The following SLC39A11 variants were observed in gnomAD, a reference collection of about 807,000 sequenced individuals.
SLC39A11 encodes the protein solute carrier family 39 member 11, also known as zinc transporter ZIP11.
In SLC39A11, 33 loss-of-function variants were observed where a neutral mutation model predicts 36.1. The observed-to-expected ratio is 0.91, with a 90% CI of 0.69 to 1.22. SLC39A11 has a LOEUF of 1.22. Ranked by LOEUF, SLC39A11 falls within the 50% of genes most tolerant of loss-of-function variation. The probability of loss-of-function intolerance (pLI) is 0.00; values close to 1 mark genes in which losing one functional copy is unlikely to be tolerated. For missense variants in SLC39A11, 432 were observed against 430.3 expected (o/e 1.00, Z -0.03); for synonymous variants, 166 against 170.3 (o/e 0.97, Z 0.20).
intron 7 of SLC39A11, among the ~76,000 whole-genome samples, chr17:72,710,002 C>T (rs550398451): frequency 6.3e-4 from 96 of 152,302 alleles, no homozygotes; most frequent in South Asian, 1.9e-3. Flanking sequence ...TGCTCCTGTT[C>T]AAATTGATCT....
rs141368059 is a variant in SLC39A11 at position 72,751,104 on chromosome 17, C to T, written c.602-14385G>A. 6.4e-3 allele frequency among the ~76,000 whole-genome samples: 970 copies of T among 152,210 alleles called. 12 individuals carry two copies. Among genetic ancestry groups the T allele is most frequent in the African/African-American group, 0.02 (833 of 41,554 alleles). ...CTCTACTAAAAATACAAAAATTAGA[C>T]GAGCGTGGTGGTGGGCGCTTGTAAT... On this transcript the variant is annotated intron_variant, in intron 6 of 9. Transcript: ENST00000255559.
At chr17:73,006,243 C>T (rs2090173916) in intron 4 of SLC39A11, among the ~76,000 whole-genome samples, 1 of 152,138 alleles carries the variant, frequency 6.6e-6, no homozygotes, top group Non-Finnish European at 1.5e-5. Flanking sequence ...AATGAGCATA[C>T]ATAATTTTCA....
At chr17:72,967,976 C>T (rs1243806155) in intron 4 of SLC39A11, among the ~76,000 whole-genome samples, 1 of 152,154 alleles carries the variant, frequency 6.6e-6, no homozygotes, top group South Asian at 2.1e-4. Context: ...TCACCACCCC[C>T]TCTCCTCCAC....
intron 3 of SLC39A11, among the ~76,000 whole-genome samples, chr17:73,057,750 G>A (rs564592595): frequency 2.6e-5 from 4 of 152,012 alleles, no homozygotes; most frequent in Non-Finnish European, 5.9e-5. Flanking sequence ...CCAGCCTGGC[G>A]AACATGGTGA....
At chr17:72,851,930 CAGT>C (rs1258800400) in intron 5 of SLC39A11, among the ~76,000 whole-genome samples, 2 of 152,014 alleles carry the variant, frequency 1.3e-5, no homozygotes, top group African/African-American at 4.8e-5. Flanking sequence ...TGGCCAGGCG[CAGT>C]AGCTCACACC....
At chr17:73,067,479 C>T (rs557277192) in intron 3 of SLC39A11, among the ~76,000 whole-genome samples, 75 of 152,284 alleles carry the variant, frequency 4.9e-4, no homozygotes, top group African/African-American at 1.7e-3. Context: ...AACCTATTTT[C>T]CCAGCCATGG....
chr17:72,703,326 A>T (rs2072735163), intron 7 of SLC39A11, among the ~76,000 whole-genome samples: 1 of 152,242 alleles, frequency 6.6e-6, no homozygotes, highest in Admixed American at 6.5e-5. Context: ...CAACTTGCAG[A>T]AATTTTTATA....
chr17:72,961,022 G>A (rs1334082419), intron 4 of SLC39A11, among the ~76,000 whole-genome samples: 5 of 152,156 alleles, frequency 3.3e-5, no homozygotes, highest in Admixed American at 2.0e-4. Flanking sequence ...CCAGGAACAC[G>A]AGGGTGAGAG....
intron 7 of SLC39A11, among the ~76,000 whole-genome samples, chr17:72,661,633 G>A (rs921819531): frequency 7.9e-5 from 12 of 152,174 alleles, no homozygotes; most frequent in South Asian, 4.1e-4. Context: ...GCAGCCTGTC[G>A]AGGTGTTTGA....
intron 7 of SLC39A11, among the ~76,000 whole-genome samples, chr17:72,686,362 C>T (rs893151665): frequency 6.6e-6 from 1 of 152,194 alleles, no homozygotes; most frequent in Non-Finnish European, 1.5e-5. Flanking sequence ...GGCGACAGAC[C>T]TTCCAGAAGC....
chr17:72,815,262 G>A (rs997892904), intron 6 of SLC39A11, among the ~76,000 whole-genome samples: 1 of 152,188 alleles, frequency 6.6e-6, no homozygotes, highest in African/African-American at 2.4e-5. Context: ...AGGTTAGGAA[G>A]ACATTGATAT....
At chr17:72,647,877 T>C (rs1247794035) in intron 9 of SLC39A11, among the ~76,000 whole-genome samples, 1 of 152,178 alleles carries the variant, frequency 6.6e-6, no homozygotes, top group Non-Finnish European at 1.5e-5. Flanking sequence ...ATTATCCTCA[T>C]TTTACTGGTG....
chr17:72,889,094 G>T (rs2081588250), intron 5 of SLC39A11, among the ~76,000 whole-genome samples: 1 of 151,964 alleles, frequency 6.6e-6, no homozygotes, highest in African/African-American at 2.4e-5. Context: ...TTAAAAGGGA[G>T]GTTCGATCAA....
chr17:72,948,765 T>A (rs2085619104), intron 4 of SLC39A11, among the ~76,000 whole-genome samples: 1 of 152,236 alleles, frequency 6.6e-6, no homozygotes, highest in Non-Finnish European at 1.5e-5. Flanking sequence ...CACATTTATT[T>A]GACAAATATT....
In SLC39A11 at chr17:73,039,074, T is replaced by C. The variant is rs2143405804; in HGVS notation, c.148-7360A>G. ...AATCTTGGCTCAGCTACTTACTGGTTAGGTAGCCCCAGTCAAATAACCTAA... is the reference window on the plus strand; with the variant it reads ...AATCTTGGCTCAGCTACTTACTGGTCAGGTAGCCCCAGTCAAATAACCTAA... On this transcript the variant is annotated intron_variant, in intron 3 of 9. Transcript: ENST00000255559. 2.0e-5 allele frequency among the ~76,000 whole-genome samples: 3 copies of C among 152,320 alleles called. No homozygotes were observed. The South Asian group carries it at 6.2e-4, about 32-fold the overall frequency.
chr17:72,900,168 A>G (rs574280626), intron 5 of SLC39A11, among the ~76,000 whole-genome samples: 1 of 125,140 alleles, frequency 8.0e-6, no homozygotes, highest in South Asian at 2.6e-4. Context: ...AAAGAAAGAA[A>G]GAAAGAAAGA....
chr17:72,826,830 T>TA (rs1316349470), intron 6 of SLC39A11, among the ~76,000 whole-genome samples: 8 of 151,786 alleles, frequency 5.3e-5, no homozygotes, highest in East Asian at 1.9e-4. Flanking sequence ...ATGGCTATAA[T>TA]AAAAAAAAGC....
At chr17:72,963,162 T>C (rs911860030) in intron 4 of SLC39A11, among the ~76,000 whole-genome samples, 1 of 123,558 alleles carries the variant, frequency 8.1e-6, no homozygotes, top group African/African-American at 3.2e-5. Flanking sequence ...AATTCTTTTT[T>C]TCCTTTCTTT....
intron 7 of SLC39A11, among the ~76,000 whole-genome samples, chr17:72,663,348 G>A (rs1319848021): frequency 6.6e-6 from 1 of 152,144 alleles, no homozygotes; most frequent in Admixed American, 6.5e-5. Flanking sequence ...ATATTTTACT[G>A]CAGTTGAATG....
Sources: gnomAD v4.1 joint callset for allele counts (sites outside exome capture counted in the v4.1 genomes callset) on GRCh38, gnomAD v4.1.1 for gene constraint, MANE v1.5 for transcripts, NCBI Gene and HGNC (gene_info 2026-07-23, HGNC 2026-07-21) for gene names.